Variants in HS2ST1 observed in about 807,000 individuals in gnomAD.
HS2ST1 encodes heparan sulfate 2-O-sulfotransferase 1.
HS2ST1 carries 18 observed loss-of-function variants against 42.9 expected under a neutral mutation model. The observed-to-expected ratio is 0.42, with a 90% CI of 0.29 to 0.62. HS2ST1 has a LOEUF of 0.62. Ranked by LOEUF, HS2ST1 falls within the 20% of genes least tolerant of loss-of-function variation. HS2ST1 has a pLI of 0.21. For missense variants in HS2ST1, 334 were observed against 433.8 expected (o/e 0.77, Z 2.04); for synonymous variants, 146 against 152.9 (o/e 0.95, Z 0.33).
At chr1:86,982,949 G>C (rs887893802) in intron 1 of HS2ST1, among the ~76,000 whole-genome samples, 1 of 152,186 alleles carries the variant, frequency 6.6e-6, no homozygotes, top group Non-Finnish European at 1.5e-5. Flanking sequence ...CTAAAGCATA[G>C]CAAGAGGGAC....
At chr1:86,983,083 A>G (rs946198054) in intron 1 of HS2ST1, among the ~76,000 whole-genome samples, 1 of 152,150 alleles carries the variant, frequency 6.6e-6, no homozygotes, top group African/African-American at 2.4e-5. Context: ...GGAGGTTCCA[A>G]ACTTTCCCTC....
At chr1:86,999,767 T>A (rs1268673010) in intron 1 of HS2ST1, among the ~76,000 whole-genome samples, 3 of 152,252 alleles carry the variant, frequency 2.0e-5, no homozygotes, top group Non-Finnish European at 2.9e-5. Flanking sequence ...CAAGAGTCTT[T>A]TCACAGCTTT....
intron 3 of HS2ST1, among the ~76,000 whole-genome samples, chr1:87,090,317 C>G (rs975792377): frequency 6.6e-6 from 1 of 152,020 alleles, no homozygotes; most frequent in Non-Finnish European, 1.5e-5. Flanking sequence ...GGTGGAACTT[C>G]TACTCTAATA....
At chr1:87,081,296 G>T (rs1293061232) in intron 2 of HS2ST1, among the ~76,000 whole-genome samples, 1 of 152,108 alleles carries the variant, frequency 6.6e-6, no homozygotes, top group Non-Finnish European at 1.5e-5. Context: ...GTCAAGGATA[G>T]ACCATATGTT....
chr1:87,042,568 T>C (rs1171164085), intron 1 of HS2ST1, among the ~76,000 whole-genome samples: 1 of 152,126 alleles, frequency 6.6e-6, no homozygotes, highest in Non-Finnish European at 1.5e-5. Flanking sequence ...TTGATATTTT[T>C]TGGATAGATA....
chr1:87,088,954 T>C (rs187911035), intron 3 of HS2ST1, among the ~76,000 whole-genome samples: 39 of 152,154 alleles, frequency 2.6e-4, no homozygotes, highest in Admixed American at 1.6e-3. Context: ...AATAACTATG[T>C]ACAATGTCTC....
intron 1 of HS2ST1, among the ~76,000 whole-genome samples, chr1:86,991,538 T>C (rs1459227044): frequency 2.6e-5 from 4 of 152,254 alleles, no homozygotes; most frequent in Non-Finnish European, 5.9e-5. Flanking sequence ...CTACTTAGGT[T>C]ATAGTTCACT....
chr1:87,076,038 C>T (rs1651535409), intron 2 of HS2ST1, among the ~76,000 whole-genome samples: 2 of 152,098 alleles, frequency 1.3e-5, no homozygotes, highest in Admixed American at 6.5e-5. Flanking sequence ...GCTATGAAAA[C>T]AGTTAAAATA....
intron 1 of HS2ST1, among the ~76,000 whole-genome samples, chr1:86,920,103 A>G (rs894459389): frequency 6.6e-6 from 1 of 152,098 alleles, no homozygotes; most frequent in Non-Finnish European, 1.5e-5. Flanking sequence ...TGGTAACTTT[A>G]TTTTCTATAG....
At chr1:87,015,032 G>T (rs781152237) in intron 1 of HS2ST1, among the ~76,000 whole-genome samples, 41 of 133,106 alleles carry the variant, frequency 3.1e-4, no homozygotes, top group Non-Finnish European at 5.1e-4. Flanking sequence ...CAGTAACTTT[G>T]TGGGGTTTTT....
intron 5 of HS2ST1, among the ~76,000 whole-genome samples, chr1:87,099,399 G>A (rs572089355): frequency 1.3e-5 from 2 of 152,270 alleles, no homozygotes; most frequent in African/African-American, 4.8e-5. Flanking sequence ...GGGCAGTAGG[G>A]GTGGGGGTAT....
chr1:86,969,621 T>G (rs935118103), intron 1 of HS2ST1, among the ~76,000 whole-genome samples: 1 of 152,116 alleles, frequency 6.6e-6, no homozygotes, highest in Non-Finnish European at 1.5e-5. Context: ...TTTACAAATT[T>G]ATAAAAACAA....
At chr1:86,957,686 G>A (rs564419234) in intron 1 of HS2ST1, among the ~76,000 whole-genome samples, 128 of 151,740 alleles carry the variant, frequency 8.4e-4, no homozygotes, top group Non-Finnish European at 1.9e-4. Context: ...ATGTAATAAT[G>A]TACTAATAAG....
chr1:86,946,133 T>G (rs1647328830), intron 1 of HS2ST1, among the ~76,000 whole-genome samples: 1 of 152,208 alleles, frequency 6.6e-6, no homozygotes, highest in African/African-American at 2.4e-5. Flanking sequence ...GTTAAAATTT[T>G]TTTTAATCCA....
intron 4 of HS2ST1, among the ~76,000 whole-genome samples, chr1:87,096,876 T>A (rs186592524): frequency 6.6e-6 from 1 of 152,354 alleles, no homozygotes; most frequent in Admixed American, 6.5e-5. Context: ...TGGGATATGG[T>A]AGGTGCATGG....
chr1:87,072,125 C>T (rs1651427936), intron 1 of HS2ST1, among the ~76,000 whole-genome samples: 2 of 151,822 alleles, frequency 1.3e-5, no homozygotes, highest in African/African-American at 4.8e-5. Context: ...CTTTTGAAAC[C>T]ACATAGCAGA....
chr1:87,021,325 C>A (rs1649943162), intron 1 of HS2ST1, among the ~76,000 whole-genome samples: 1 of 152,130 alleles, frequency 6.6e-6, no homozygotes, highest in South Asian at 2.1e-4. Flanking sequence ...CATTAGTTCC[C>A]CCCTCTAGTC....
chr1:87,071,966 TCTC>T (rs924323566), intron 1 of HS2ST1, among the ~76,000 whole-genome samples: 34 of 152,020 alleles, frequency 2.2e-4, no homozygotes, highest in Non-Finnish European at 3.5e-4. Context: ...CCTTCTTTCC[TCTC>T]CTTTTCTTGC....
intron 1 of HS2ST1, among the ~76,000 whole-genome samples, chr1:86,988,482 G>A (rs1437599100): frequency 6.6e-6 from 1 of 152,176 alleles, no homozygotes; most frequent in Non-Finnish European, 1.5e-5. Flanking sequence ...ACTGTCCAGT[G>A]CATTAATTGT....
Sources: allele counts gnomAD v4.1 joint callset (sites outside exome capture counted in the v4.1 genomes callset), GRCh38; gene constraint gnomAD v4.1.1; transcripts MANE v1.5; gene names NCBI Gene and HGNC (gene_info 2026-07-23, HGNC 2026-07-21).